CLPB: variants seen among roughly 807,000 people sequenced by gnomAD.
CLPB encodes the protein ClpB family mitochondrial disaggregase.
Under a neutral mutation model 78.4 loss-of-function variants are expected in CLPB, and 40 were observed. That is an observed-to-expected ratio of 0.51 (90% CI 0.40 to 0.66). The LOEUF is 0.66. Among genes scored for constraint, CLPB ranks in the 30% least tolerant of loss-of-function variants. The pLI is 0.00. For synonymous variants in CLPB, 333 were observed against 348.0 expected (o/e 0.96, Z 0.48); for missense variants, 780 against 886.9 (o/e 0.88, Z 1.53).
chr11:72,317,847 C>T (rs1949976693), intron 6 of CLPB, among the ~76,000 whole-genome samples: 3 of 152,332 alleles, frequency 2.0e-5, no homozygotes, highest in South Asian at 4.1e-4. Flanking sequence ...CTAGTTGATG[C>T]TGAGGGTCTG....
At chr11:72,357,658 T>C (rs1241719018) in intron 5 of CLPB, among the ~76,000 whole-genome samples, 1 of 139,200 alleles carries the variant, frequency 7.2e-6, no homozygotes, top group Non-Finnish European at 1.5e-5. Flanking sequence ...ATTGTGCCAT[T>C]GCACTCCAGC....
At chr11:72,382,438 C>T (rs1213321605) in intron 3 of CLPB, among the ~76,000 whole-genome samples, 1 of 152,244 alleles carries the variant, frequency 6.6e-6, no homozygotes, top group African/African-American at 2.4e-5. Context: ...GATTCAGGCT[C>T]AAGGCCCATG....
chr11:72,367,915 T>C (rs981872006), intron 4 of CLPB, among the ~76,000 whole-genome samples: 1 of 152,098 alleles, frequency 6.6e-6, no homozygotes, highest in African/African-American at 2.4e-5. Context: ...TAATTCACAC[T>C]CCATAAAAAC....
At chr11:72,392,747 C>A (rs1855290028) in intron 3 of CLPB, among the ~76,000 whole-genome samples, 1 of 152,102 alleles carries the variant, frequency 6.6e-6, no homozygotes, top group African/African-American at 2.4e-5. Context: ...TAAGGCTCGG[C>A]AAGATAATAT....
At chr11:72,350,892 G>A (rs1950602137) in intron 5 of CLPB, among the ~76,000 whole-genome samples, 1 of 152,164 alleles carries the variant, frequency 6.6e-6, no homozygotes, top group Admixed American at 6.5e-5. Context: ...CAATTTAGAG[G>A]AGGTTTCTCG....
chr11:72,331,799 C>T (rs1950232463), intron 5 of CLPB, among the ~76,000 whole-genome samples: 1 of 152,014 alleles, frequency 6.6e-6, no homozygotes, highest in Non-Finnish European at 1.5e-5. Flanking sequence ...GTCTCAAACT[C>T]CTGACCTCAG....
At chr11:72,334,384 G>A (rs1225178709) in intron 5 of CLPB, among the ~76,000 whole-genome samples, 1 of 152,174 alleles carries the variant, frequency 6.6e-6, no homozygotes, top group Admixed American at 6.5e-5. Flanking sequence ...CAAGGTTCTG[G>A]AGCCTCAGGG....
intron 3 of CLPB, among the ~76,000 whole-genome samples, chr11:72,399,010 C>CAG (rs1158809167): frequency 6.6e-6 from 1 of 151,884 alleles, no homozygotes; most frequent in South Asian, 2.1e-4. Flanking sequence ...CCTGACACCA[C>CAG]AGAGTTTTTA....
chr11:72,354,193 C>T, intron 5 of CLPB: 1 of 377,018 alleles, frequency 2.7e-6, no homozygotes, highest in Middle Eastern at 6.7e-4. Context: ...TGCAACCTCT[C>T]TTAGCTGGGG....
chr11:72,401,090 A>G (rs1855547172), intron 3 of CLPB, among the ~76,000 whole-genome samples: 1 of 152,242 alleles, frequency 6.6e-6, no homozygotes, highest in African/African-American at 2.4e-5. Flanking sequence ...GCTTGGAACC[A>G]GGACTGGACT....
chr11:72,352,837 A>G (rs553731604), intron 5 of CLPB: 4 of 152,374 alleles, frequency 2.6e-5, no homozygotes, highest in East Asian at 1.9e-4. Context: ...CTGGAGCTGG[A>G]AGGGGTCCTT....
intron 2 of CLPB, among the ~76,000 whole-genome samples, chr11:72,408,830 T>C (rs1360234862): frequency 1.3e-5 from 2 of 152,148 alleles, no homozygotes; most frequent in Non-Finnish European, 2.9e-5. Flanking sequence ...ACTGTGTTGC[T>C]CTGCAAGTGA....
intron 2 of CLPB, among the ~76,000 whole-genome samples, chr11:72,427,641 G>A (rs1186519626): frequency 6.6e-6 from 1 of 152,134 alleles, no homozygotes; most frequent in East Asian, 1.9e-4. Context: ...ACAGTATTCA[G>A]GGCAATAACG....
chr11:72,398,355 C>A (rs756768573), intron 3 of CLPB, among the ~76,000 whole-genome samples: 2 of 152,190 alleles, frequency 1.3e-5, no homozygotes, highest in East Asian at 3.9e-4. Flanking sequence ...GCACCACACA[C>A]GAACTGGGTG....
At chr11:72,408,241 T>G (rs1390743063) in intron 2 of CLPB, 1 of 1,418,394 alleles carries the variant, frequency 7.1e-7, no homozygotes, top group Admixed American at 2.0e-5. Context: ...GACCCTGGAG[T>G]CCAAAGGCTG....
At chr11:72,358,134 C>T (rs940558504) in intron 5 of CLPB, among the ~76,000 whole-genome samples, 4 of 152,202 alleles carry the variant, frequency 2.6e-5, no homozygotes, top group Non-Finnish European at 5.9e-5. Context: ...TTGGACAGGA[C>T]TTGCCCAGCC....
At chr11:72,420,053 A>G (rs1856146626) in intron 2 of CLPB, among the ~76,000 whole-genome samples, 1 of 152,246 alleles carries the variant, frequency 6.6e-6, no homozygotes. Context: ...TATCATTTAC[A>G]AAACACTTTT....
intron 5 of CLPB, among the ~76,000 whole-genome samples, chr11:72,358,378 C>T (rs1176745432): frequency 2.6e-5 from 4 of 151,968 alleles, no homozygotes; most frequent in Admixed American, 6.6e-5. Flanking sequence ...AGTGTAATGA[C>T]GGAAAAGAAT....
At chr11:72,354,277 G>GTATATATATATATATA (rs57178829) in intron 5 of CLPB, 2 of 306,680 alleles carry the variant, frequency 6.5e-6, no homozygotes, top group African/African-American at 4.4e-5. Flanking sequence ...GTGTGTGTGT[G>GTATATATATATATATA]TATATATATA....
Sources: allele counts gnomAD v4.1 joint callset (sites outside exome capture counted in the v4.1 genomes callset), GRCh38; gene constraint gnomAD v4.1.1; transcripts MANE v1.5; gene names NCBI Gene and HGNC (gene_info 2026-07-23, HGNC 2026-07-21).